Variants in THAP3 observed in about 807,000 individuals in gnomAD.
The protein encoded by THAP3 is THAP domain-containing protein 3.
In THAP3, 12 loss-of-function variants were observed where a neutral mutation model predicts 17.7. The ratio of observed to expected loss-of-function variants is 0.68; its 90% CI spans 0.43 to 1.10. The LOEUF is 1.10. Ranked by LOEUF, THAP3 falls within the 50% of genes least tolerant of loss-of-function variation. The pLI, the probability that THAP3 is intolerant of heterozygous loss-of-function variation, is 0.00. For missense variants in THAP3, 289 were observed against 318.0 expected (o/e 0.91, Z 0.69); for synonymous variants, 133 against 126.9 (o/e 1.05, Z -0.32).
chr1:6,626,132 A>T (rs1302819284), intron 2 of THAP3, among the ~76,000 whole-genome samples: 2 of 151,644 alleles, frequency 1.3e-5, no homozygotes, highest in Non-Finnish European at 2.9e-5. Flanking sequence ...ACAGAAGGAG[A>T]CCCTACCTCT....
At chr1:6,634,977 A>G (rs982040633), downstream of THAP3, 1 of 828,134 alleles carries the variant, frequency 1.2e-6, no homozygotes, top group Admixed American at 3.8e-5. Flanking sequence ...TCCCACCGGG[A>G]TACGGGAAGC....
chr1:6,629,004 C>T (rs1203765011), intron 3 of THAP3, among the ~76,000 whole-genome samples: 3 of 152,216 alleles, frequency 2.0e-5, no homozygotes, highest in Non-Finnish European at 4.4e-5. Flanking sequence ...GAATTCGATA[C>T]CAGCCCAGCC....
chr1:6,632,661 T>G, intron 5 of THAP3, 135 bp from the exon 6 acceptor site: 1 of 1,437,702 alleles, frequency 7.0e-7, no homozygotes, highest in Non-Finnish European at 9.5e-7. Flanking sequence ...TGTGGGCACA[T>G]CTGGATTTTG....
rs755454422 is a variant in THAP3 at position 6,625,230 on chromosome 1, G to A, written c.12G>A (p.Ser4=). 7.1e-5 allele frequency: 109 copies of A among 1,543,484 alleles called. 1 individual carries two copies. The South Asian group carries it at 1.3e-3, about 18-fold the overall frequency. The change falls in exon 2 of 6, where the codon TCG becomes TCA. Residue 4 remains serine (S), a synonymous_variant. Transcript: ENST00000054650. ...AGGCCTGGCTCGAGATGCCGAAGTC[G>A]TGCGCGGCCCGGCAGTGCTGCAACC... MPK[S]CAARQCCNRY... is the part of the protein sequence containing the mutation.
chr1:6,630,105 A>G (rs552614703), intron 3 of THAP3, among the ~76,000 whole-genome samples, 183 bp from the exon 4 acceptor site: 1 of 152,242 alleles, frequency 6.6e-6, no homozygotes, highest in Non-Finnish European at 1.5e-5. Flanking sequence ...CTTTGGAGAA[A>G]GAGAAGCGCA....
chr1:6,626,655 TG>T (rs1183902181), intron 2 of THAP3, among the ~76,000 whole-genome samples: 1 of 152,198 alleles, frequency 6.6e-6, no homozygotes, highest in Non-Finnish European at 1.5e-5. Context: ...CTGACCAACA[TG>T]GTGAAACCCC....
downstream of THAP3, chr1:6,635,433 T>C (rs17029653): frequency 5.5e-4 from 277 of 501,326 alleles, no homozygotes; most frequent in African/African-American, 5.0e-3. Context: ...AACTGATCCT[T>C]GGGAAAACAG....
intron 2 of THAP3, among the ~76,000 whole-genome samples, chr1:6,625,694 T>C (rs944838307): frequency 4.0e-5 from 6 of 151,352 alleles, no homozygotes; most frequent in African/African-American, 1.5e-4. Flanking sequence ...GGGAAGGGAC[T>C]CTGCAGGGTC....
chr1:6,629,502 C>T (rs1641551099), intron 3 of THAP3: 1 of 152,628 alleles, frequency 6.6e-6, no homozygotes, highest in Non-Finnish European at 1.5e-5. Flanking sequence ...GGTTGGCAGT[C>T]CCTTCCTTCA....
downstream of THAP3, chr1:6,635,590 G>T (rs1335594981): frequency 1.4e-6 from 2 of 1,381,776 alleles, no homozygotes; most frequent in Admixed American, 3.8e-5. Context: ...AAAAACATCT[G>T]ATGTCTGGGT....
chr1:6,627,427 C>A (rs897862631), intron 2 of THAP3, among the ~76,000 whole-genome samples: 1 of 152,218 alleles, frequency 6.6e-6, no homozygotes, highest in Non-Finnish European at 1.5e-5. Context: ...TGCAGTGGCG[C>A]AGTCTCGGCT....
chr1:6,628,897 A>G (rs1273030865), intron 3 of THAP3, among the ~76,000 whole-genome samples: 2 of 152,216 alleles, frequency 1.3e-5, no homozygotes, highest in Admixed American at 1.3e-4. Context: ...AATTAAAGGC[A>G]TTTTAAAAAT....
Position 6,633,063 on chromosome 1 carries a change from G to C in THAP3, c.706G>C (p.Glu236Gln), listed in dbSNP as rs756344168. The C allele has an allele frequency of 3.1e-6, 5 of 1,602,706 alleles. No individual in the cohort carries two copies. The highest frequency in any genetic ancestry group is 4.3e-6 in the Non-Finnish European group (5 of 1,175,624). The change falls in exon 6 of 6, where the codon GAG becomes CAG. Residue 236 changes from glutamate to glutamine, a missense_variant. By Grantham distance (29) the Glu-to-Gln change is conservative. Transcript: ENST00000054650. ...GGGACTCCAGGCCAGACTTGGGCCA[G>C]AGCAGCAGAGCTGAGCCCCACAGGC... Reference protein sequence around the residue: ...HQGLQARLGPEQQS With the variant: ...HQGLQARLGPQQQS
At chr1:6,629,390 G>A (rs1054695007) in intron 3 of THAP3, among the ~76,000 whole-genome samples, 7 of 152,192 alleles carry the variant, frequency 4.6e-5, no homozygotes, top group Non-Finnish European at 7.4e-5. Context: ...AAGCGGCCAC[G>A]TAGCAAACAC....
intron 4 of THAP3, among the ~76,000 whole-genome samples, chr1:6,631,911 G>A (rs1641625115): frequency 6.6e-6 from 1 of 151,656 alleles, no homozygotes; most frequent in Admixed American, 6.6e-5. Flanking sequence ...TTAGCCAGGT[G>A]TAGTGGCATG....
In THAP3 at chr1:6,632,991, G is replaced by C. The variant is rs923136991; in HGVS notation, c.634G>C (p.Val212Leu). ...LRKRLQAQRL[V>L]MRRMSSRLRA... ...GAAGCGCTTGCAGGCCCAGAGGCTG[G>C]TGATGCGAAGGATGTCCAGCCGCCT... The change falls in exon 6 of 6, where the codon GTG becomes CTG. Residue 212 changes from valine (V) to leucine (L), a missense_variant. By Grantham distance (32) the Val-to-Leu change is conservative. Transcript: ENST00000054650. The C allele has an allele frequency of 2.5e-6, 4 of 1,612,770 alleles. No individual in the cohort carries two copies. The highest frequency in any genetic ancestry group is 3.3e-5 in the Admixed American group (2 of 59,988).
downstream of THAP3, chr1:6,633,984 C>T: frequency 5.7e-6 from 9 of 1,591,980 alleles, no homozygotes; most frequent in Non-Finnish European, 7.7e-6. Flanking sequence ...AAAGTTCTAG[C>T]CTGATTTCCT....
intron 4 of THAP3, 97 bp downstream of exon 4, chr1:6,630,450 T>A: frequency 8.2e-7 from 1 of 1,220,144 alleles, no homozygotes; most frequent in Middle Eastern, 2.3e-4. Flanking sequence ...CGCAGGGCTG[T>A]CGCCTTTCCT....
intron 2 of THAP3, among the ~76,000 whole-genome samples, chr1:6,625,790 A>G (rs564267464): frequency 6.6e-6 from 1 of 152,066 alleles, no homozygotes; most frequent in South Asian, 2.1e-4. Context: ...GTCATTAGTC[A>G]CAGTTGCGCT....
Sources: gnomAD v4.1 joint callset for allele counts (sites outside exome capture counted in the v4.1 genomes callset) on GRCh38, gnomAD v4.1.1 for gene constraint, MANE v1.5 for transcripts, NCBI Gene and HGNC (gene_info 2026-07-23, HGNC 2026-07-21) for gene names.